The following CPNE4 variants were observed in gnomAD, a reference collection of about 807,000 sequenced individuals.
CPNE4 encodes copine 4, also known as copine-4.
A neutral mutation model predicts 67.9 loss-of-function variants in CPNE4; 25 were observed. The observed-to-expected ratio is 0.37, with a 90% CI of 0.27 to 0.51. The LOEUF (loss-of-function observed/expected upper bound fraction) is 0.51. CPNE4 is among the 20% of genes least tolerant of loss of function. The pLI is 0.93. For missense variants in CPNE4, 464 were observed against 690.8 expected (o/e 0.67, Z 3.68); for synonymous variants, 242 against 244.9 (o/e 0.99, Z 0.11).
At chr3:131,916,465 A>T (rs2089189253) in intron 1 of CPNE4, among the ~76,000 whole-genome samples, 1 of 152,040 alleles carries the variant, frequency 6.6e-6, no homozygotes, top group Non-Finnish European at 1.5e-5. Flanking sequence ...TGATCTACTT[A>T]TGGGTCTTGT....
At chr3:132,027,869 T>C (rs1398589952) in intron 1 of CPNE4, among the ~76,000 whole-genome samples, 1 of 152,234 alleles carries the variant, frequency 6.6e-6, no homozygotes, top group Non-Finnish European at 1.5e-5. Context: ...CTATTGCCCT[T>C]ATTATTTTTC....
intron 1 of CPNE4, among the ~76,000 whole-genome samples, chr3:131,963,207 C>CCAGT (rs2072236309): frequency 6.6e-6 from 1 of 152,124 alleles, no homozygotes; most frequent in Admixed American, 6.5e-5. Flanking sequence ...TCCTATCTGT[C>CCAGT]CCAGATACTA....
chr3:131,632,104 G>A (rs536092761), intron 7 of CPNE4, among the ~76,000 whole-genome samples: 68 of 151,242 alleles, frequency 4.5e-4, no homozygotes, highest in Admixed American at 1.0e-3. Context: ...CCGCCTCCTG[G>A]GCGCAAGTGA....
At chr3:131,696,654 G>A in intron 4 of CPNE4, 38 bp from the exon 5 acceptor site, 1 of 1,576,960 alleles carries the variant, frequency 6.3e-7, no homozygotes, top group Non-Finnish European at 8.7e-7. Context: ...AATAGAGGGT[G>A]AACTCCTTAG....
chr3:131,620,844 T>C (rs1282164558), intron 7 of CPNE4, among the ~76,000 whole-genome samples: 1 of 152,242 alleles, frequency 6.6e-6, no homozygotes, highest in Non-Finnish European at 1.5e-5. Context: ...AATGCAGCTC[T>C]GCTGACATCT....
At chr3:131,710,906 A>G (rs182305018) in intron 3 of CPNE4, among the ~76,000 whole-genome samples, 2 of 152,176 alleles carry the variant, frequency 1.3e-5, no homozygotes, top group Non-Finnish European at 2.9e-5. Flanking sequence ...TTAGGTGTTA[A>G]GCCCTTCCTT....
At chr3:131,864,090 G>A (rs888630968) in intron 2 of CPNE4, among the ~76,000 whole-genome samples, 2 of 152,094 alleles carry the variant, frequency 1.3e-5, no homozygotes, top group Admixed American at 1.3e-4. Context: ...CCAGTACCAT[G>A]CTGTTTTGGT....
At chr3:131,818,720 TC>T (rs1326168255) in intron 2 of CPNE4, among the ~76,000 whole-genome samples, 2 of 152,214 alleles carry the variant, frequency 1.3e-5, no homozygotes, top group African/African-American at 4.8e-5. Flanking sequence ...TTGTGCTAAC[TC>T]CATGTAGTAG....
intron 1 of CPNE4, among the ~76,000 whole-genome samples, chr3:131,963,465 G>C (rs901104646): frequency 1.3e-5 from 2 of 152,080 alleles, no homozygotes; most frequent in Admixed American, 1.3e-4. Flanking sequence ...CAGTCCCACA[G>C]ATCCCAGAAA....
At chr3:131,966,115 A>C (rs1216135757) in intron 1 of CPNE4, among the ~76,000 whole-genome samples, 1 of 152,230 alleles carries the variant, frequency 6.6e-6, no homozygotes, top group Non-Finnish European at 1.5e-5. Context: ...CCTACTCCTG[A>C]ATGACTACTG....
intron 2 of CPNE4, among the ~76,000 whole-genome samples, chr3:131,765,465 T>G (rs899237127): frequency 2.6e-5 from 4 of 152,132 alleles, no homozygotes; most frequent in African/African-American, 9.7e-5. Context: ...AGTCAAAAGC[T>G]GTTACATCAT....
At chr3:131,625,899 T>C (rs895343529) in intron 7 of CPNE4, among the ~76,000 whole-genome samples, 8 of 152,210 alleles carry the variant, frequency 5.3e-5, no homozygotes, top group Non-Finnish European at 2.9e-5. Context: ...CTGCTTCATG[T>C]CTCTGCATCA....
intron 6 of CPNE4, among the ~76,000 whole-genome samples, chr3:131,671,755 T>A (rs2080424264): frequency 6.6e-6 from 1 of 152,142 alleles, no homozygotes; most frequent in Non-Finnish European, 1.5e-5. Context: ...ACAGCAATAG[T>A]CATCCTTTCA....
intron 3 of CPNE4, among the ~76,000 whole-genome samples, chr3:131,701,589 G>A (rs2081303002): frequency 6.6e-6 from 1 of 152,140 alleles, no homozygotes; most frequent in African/African-American, 2.4e-5. Context: ...GACAGATTGT[G>A]AGTAGTCCTA....
At chr3:132,007,132 G>A (rs572083533) in intron 1 of CPNE4, among the ~76,000 whole-genome samples, 43 of 152,248 alleles carry the variant, frequency 2.8e-4, no homozygotes, top group African/African-American at 9.9e-4. Context: ...TTGAAGAAAT[G>A]AGGAAGAAGA....
chr3:131,769,627 C>A (rs2083112970), intron 2 of CPNE4, among the ~76,000 whole-genome samples: 2 of 152,104 alleles, frequency 1.3e-5, no homozygotes, highest in African/African-American at 2.4e-5. Flanking sequence ...AAAGGACAAG[C>A]AATACTGTGT....
At chr3:131,654,044 G>A (rs975967309) in intron 7 of CPNE4, among the ~76,000 whole-genome samples, 16 of 152,174 alleles carry the variant, frequency 1.1e-4, no homozygotes, top group Admixed American at 9.2e-4. Flanking sequence ...AATTTCTGAT[G>A]TTTTGGCCTT....
intron 11 of CPNE4, among the ~76,000 whole-genome samples, chr3:131,558,521 A>T (rs908964208): frequency 7.9e-5 from 12 of 151,838 alleles, no homozygotes; most frequent in Non-Finnish European, 1.6e-4. Flanking sequence ...ACCAGAATAA[A>T]ATAGTATAAA....
intron 1 of CPNE4, among the ~76,000 whole-genome samples, chr3:131,974,287 ATG>A (rs1364012467): frequency 6.6e-6 from 1 of 152,160 alleles, no homozygotes; most frequent in East Asian, 1.9e-4. Context: ...GTGCACATAT[ATG>A]TGTACATATG....
Sources: gnomAD v4.1 joint callset for allele counts (sites outside exome capture counted in the v4.1 genomes callset) on GRCh38, gnomAD v4.1.1 for gene constraint, MANE v1.5 for transcripts, NCBI Gene and HGNC (gene_info 2026-07-23, HGNC 2026-07-21) for gene names.